Variants in PLCB4 observed in about 807,000 individuals in gnomAD.
PLCB4 encodes the protein 1-phosphatidylinositol 4,5-bisphosphate phosphodiesterase beta-4.
A neutral mutation model predicts 178.8 loss-of-function variants in PLCB4; 77 were observed. The observed-to-expected ratio is 0.43, with a 90% CI of 0.36 to 0.52. The LOEUF is 0.52. Ranked by LOEUF, PLCB4 falls within the 20% of genes least tolerant of loss-of-function variation. The pLI is 0.00. For synonymous variants in PLCB4, 496 were observed against 490.8 expected, an observed-to-expected ratio of 1.01 and a Z score of -0.14; for missense variants, 1,024 against 1,453.4, an observed-to-expected ratio of 0.70 and a Z score of 4.80.
chr20:9,156,463 C>T (rs905310085), intron 2 of PLCB4, among the ~76,000 whole-genome samples: 8 of 152,050 alleles, frequency 5.3e-5, no homozygotes, highest in Admixed American at 3.3e-4. Flanking sequence ...GAGGTTTGCA[C>T]CCAGGTAGCC....
intron 7 of PLCB4, among the ~76,000 whole-genome samples, chr20:9,357,225 T>C (rs536654616): frequency 5.3e-5 from 8 of 152,334 alleles, no homozygotes; most frequent in Non-Finnish European, 1.2e-4. Flanking sequence ...GATGGCCCCG[T>C]CATTGATTAT....
At chr20:9,392,339 T>A (rs968577423) in intron 17 of PLCB4, among the ~76,000 whole-genome samples, 1 of 152,184 alleles carries the variant, frequency 6.6e-6, no homozygotes, top group Non-Finnish European at 1.5e-5. Context: ...TTACAGAATT[T>A]TCTGGGGTTT....
intron 2 of PLCB4, among the ~76,000 whole-genome samples, chr20:9,127,638 TTATCTATCTATC>T (rs35789567): frequency 0.016 from 2,288 of 146,878 alleles, 24 homozygotes; most frequent in African/African-American, 0.028. Context: ...GGTGGTAAAA[TTATCTATCTATC>T]TATCTATCTA....
intron 1 of PLCB4, among the ~76,000 whole-genome samples, chr20:9,070,744 A>G (rs2089530381): frequency 6.6e-6 from 1 of 152,206 alleles, no homozygotes; most frequent in Non-Finnish European, 1.5e-5. Flanking sequence ...GTGACGTATT[A>G]TAACATATCT....
chr20:9,337,296 C>A (rs2032596205), intron 5 of PLCB4, 90 bp downstream of exon 5: 1 of 852,766 alleles, frequency 1.2e-6, no homozygotes, highest in Non-Finnish European at 2.0e-6. Flanking sequence ...TGTTGATGAA[C>A]CCTACCCTTA....
intron 2 of PLCB4, among the ~76,000 whole-genome samples, chr20:9,169,543 C>G (rs567383938): frequency 2.0e-5 from 3 of 151,518 alleles, no homozygotes; most frequent in Non-Finnish European, 4.4e-5. Context: ...AAGCTGAGAC[C>G]GTGCCACTGC....
At chr20:9,234,206 A>T (rs1264078719) in intron 3 of PLCB4, among the ~76,000 whole-genome samples, 2 of 152,142 alleles carry the variant, frequency 1.3e-5, no homozygotes, top group African/African-American at 2.4e-5. Flanking sequence ...CTAGAGGAAA[A>T]ATATGGATAA....
chr20:9,072,632 C>T (rs1310111432), intron 1 of PLCB4, among the ~76,000 whole-genome samples: 2 of 151,932 alleles, frequency 1.3e-5, no homozygotes, highest in East Asian at 3.9e-4. Flanking sequence ...CCACTTCACT[C>T]CTTTGCAGCA....
chr20:9,294,988 A>G (rs936172507), intron 3 of PLCB4, among the ~76,000 whole-genome samples: 1 of 152,126 alleles, frequency 6.6e-6, no homozygotes, highest in African/African-American at 2.4e-5. Context: ...TAAGCTGAGG[A>G]AGAGGTCAAC....
chr20:9,229,146 G>A (rs370477855), intron 3 of PLCB4, among the ~76,000 whole-genome samples: 2 of 152,170 alleles, frequency 1.3e-5, no homozygotes, highest in East Asian at 3.8e-4. Flanking sequence ...GGTTCTTAAA[G>A]GTCATCCCAT....
intron 36 of PLCB4, among the ~76,000 whole-genome samples, chr20:9,472,586 T>C (rs1054821633): frequency 5.3e-5 from 8 of 152,224 alleles, no homozygotes; most frequent in African/African-American, 1.9e-4. Context: ...ATTAAAAATA[T>C]CAGTTAATCT....
chr20:9,365,223 G>T (rs1393456624), intron 8 of PLCB4, among the ~76,000 whole-genome samples: 1 of 152,090 alleles, frequency 6.6e-6, no homozygotes, highest in East Asian at 1.9e-4. Context: ...AATGTTTGGA[G>T]CATACTTACA....
chr20:9,194,597 G>T (rs1428325403), intron 2 of PLCB4, among the ~76,000 whole-genome samples: 1 of 150,868 alleles, frequency 6.6e-6, no homozygotes, highest in Non-Finnish European at 1.5e-5. Context: ...GGAGGCTGAG[G>T]CAGGAGAATG....
intron 3 of PLCB4, among the ~76,000 whole-genome samples, chr20:9,223,885 G>C (rs943803447): frequency 4.6e-5 from 7 of 152,234 alleles, no homozygotes; most frequent in Admixed American, 1.3e-4. Context: ...AGTGGCCAAT[G>C]AGTGGGTAGC....
chr20:9,293,214 G>A (rs1344187113), intron 3 of PLCB4, among the ~76,000 whole-genome samples: 1 of 149,020 alleles, frequency 6.7e-6, no homozygotes, highest in Non-Finnish European at 1.5e-5. Flanking sequence ...AATGAAGGAA[G>A]GAAGGATGGA....
intron 3 of PLCB4, among the ~76,000 whole-genome samples, chr20:9,281,715 G>A (rs926911164): frequency 4.6e-5 from 7 of 151,820 alleles, no homozygotes; most frequent in Admixed American, 1.3e-4. Context: ...TTGGGAATAC[G>A]TTATATTTTA....
chr20:9,224,446 A>C (rs1172342366), intron 3 of PLCB4, among the ~76,000 whole-genome samples: 1 of 152,206 alleles, frequency 6.6e-6, no homozygotes, highest in Non-Finnish European at 1.5e-5. Flanking sequence ...AGGCCTTCCC[A>C]AGCAGTGGGC....
chr20:9,235,084 A>G (rs2093979123), intron 3 of PLCB4, among the ~76,000 whole-genome samples: 1 of 152,162 alleles, frequency 6.6e-6, no homozygotes, highest in Admixed American at 6.6e-5. Context: ...GGACAATGGA[A>G]TATAGGATGG....
intron 28 of PLCB4, among the ~76,000 whole-genome samples, chr20:9,432,772 C>T (rs2041510971): frequency 6.6e-6 from 1 of 152,198 alleles, no homozygotes; most frequent in Non-Finnish European, 1.5e-5. Context: ...CCTAACACAG[C>T]ATCACCTCAT....
Sources: gnomAD v4.1 joint callset for allele counts (sites outside exome capture counted in the v4.1 genomes callset) on GRCh38, gnomAD v4.1.1 for gene constraint, MANE v1.5 for transcripts, NCBI Gene and HGNC (gene_info 2026-07-23, HGNC 2026-07-21) for gene names.